The following SPATS2L variants were observed in gnomAD, a reference collection of about 807,000 sequenced individuals.
SPATS2L encodes spermatogenesis associated serine rich 2 like.
A neutral mutation model predicts 59.6 loss-of-function variants in SPATS2L; 30 were observed. That is an observed-to-expected ratio of 0.50 (90% CI 0.38 to 0.68). SPATS2L has a LOEUF of 0.68. SPATS2L is among the 30% of genes least tolerant of loss of function. The probability of loss-of-function intolerance (pLI) is 0.00; values close to 1 mark genes in which losing one functional copy is unlikely to be tolerated. For missense variants in SPATS2L, 615 were observed against 700.0 expected, an observed-to-expected ratio of 0.88 and a Z score of 1.37; for synonymous variants, 252 against 263.5, an observed-to-expected ratio of 0.96 and a Z score of 0.42.
chr2:200,335,306 A>C (rs1399774331), intron 2 of SPATS2L, among the ~76,000 whole-genome samples: 1 of 151,994 alleles, frequency 6.6e-6, no homozygotes, highest in African/African-American at 2.4e-5. Context: ...TGAACCCGGG[A>C]GGCAGAGCTT....
At chr2:200,382,408 A>G (rs1212490899) in intron 2 of SPATS2L, among the ~76,000 whole-genome samples, 1 of 152,190 alleles carries the variant, frequency 6.6e-6, no homozygotes, top group Non-Finnish European at 1.5e-5. Context: ...AAGTTCATTT[A>G]TGCCCATTCC....
intron 1 of SPATS2L, among the ~76,000 whole-genome samples, chr2:200,308,724 G>T (rs1026630288): frequency 1.3e-5 from 2 of 152,126 alleles, no homozygotes; most frequent in Non-Finnish European, 2.9e-5. Context: ...AGCTAAAGAC[G>T]TTAGTAAAAA....
chr2:200,334,827 A>G (rs1184830357), intron 2 of SPATS2L, among the ~76,000 whole-genome samples: 1 of 152,118 alleles, frequency 6.6e-6, no homozygotes, highest in Non-Finnish European at 1.5e-5. Flanking sequence ...AGTTGTAGAT[A>G]TGTGGCATTA....
chr2:200,463,848 T>TCCTGGCC (rs2086408190), intron 9 of SPATS2L, among the ~76,000 whole-genome samples: 3 of 152,240 alleles, frequency 2.0e-5, no homozygotes, highest in Admixed American at 2.0e-4. Context: ...CTTCTCCAGC[T>TCCTGGCC]CCTGGCCCCT....
At position 200,412,726 on chromosome 2, in the gene SPATS2L, A is replaced by G. The variant is rs1054846644; in HGVS notation, c.148+307A>G. ...AAGGATATTGATAATAGTGCTACTA[A>G]TTTCCTTGCCTACCAGTCATTCCAA... On this transcript the variant is annotated intron_variant, in intron 4 of 12. Transcript: ENST00000409140. Among the ~76,000 whole-genome samples the G allele has an allele frequency of 4.2e-4, 64 of 152,246 alleles. 1 individual carries two copies. The highest frequency in any genetic ancestry group is 1.5e-3 in the African/African-American group (61 of 41,544).
intron 2 of SPATS2L, among the ~76,000 whole-genome samples, chr2:200,331,623 G>A (rs376476619): frequency 3.0e-4 from 45 of 152,306 alleles, no homozygotes; most frequent in African/African-American, 1.1e-3. Flanking sequence ...ACAGCAGTGG[G>A]ACCTTGGTCA....
intron 8 of SPATS2L, among the ~76,000 whole-genome samples, chr2:200,447,002 A>C (rs2085093527): frequency 6.6e-6 from 1 of 152,202 alleles, no homozygotes; most frequent in South Asian, 2.1e-4. Context: ...TTCATCATAG[A>C]ATTCTACTCA....
At chr2:200,340,055 TC>T (rs2080270913) in intron 2 of SPATS2L, among the ~76,000 whole-genome samples, 1 of 152,104 alleles carries the variant, frequency 6.6e-6, no homozygotes, top group African/African-American at 2.4e-5. Context: ...TAGCTGGAAG[TC>T]TCATTTATAG....
chr2:200,356,028 G>A (rs1352985277), intron 2 of SPATS2L, among the ~76,000 whole-genome samples: 3 of 152,104 alleles, frequency 2.0e-5, no homozygotes, highest in East Asian at 3.8e-4. Flanking sequence ...AATAATTAAC[G>A]GAATTCATGA....
intron 7 of SPATS2L, among the ~76,000 whole-genome samples, chr2:200,439,933 C>G (rs545242693): frequency 3.8e-4 from 58 of 152,280 alleles, no homozygotes; most frequent in African/African-American, 1.3e-3. Flanking sequence ...AGATTAAATA[C>G]TATTCTTTTC....
intron 6 of SPATS2L, among the ~76,000 whole-genome samples, chr2:200,438,715 A>T (rs1416518682): frequency 6.6e-6 from 1 of 152,174 alleles, no homozygotes; most frequent in Non-Finnish European, 1.5e-5. Context: ...TGGAGATAGG[A>T]GGGCTACATT....
In SPATS2L at chr2:200,477,632, G is replaced by A. The variant is rs1559171639; in HGVS notation, c.1282-4G>A. 6.6e-7 allele frequency: 1 copy of A among 1,519,500 alleles called. No homozygotes were observed. Among genetic ancestry groups the A allele is most frequent in the East Asian group, 2.5e-5 (1 of 40,622 alleles). 94.1% of individuals were successfully genotyped at this position (1,519,500 alleles called of 1,614,324 possible). Reference sequence around the variant, plus strand: ...TGATACTTATCTCTTTTCTTTTTTGGTAGAATGGATCTTCTAACCAAAGAC... The same window carrying A: ...TGATACTTATCTCTTTTCTTTTTTGATAGAATGGATCTTCTAACCAAAGAC... On this transcript the variant is annotated splice_region_variant and splice_polypyrimidine_tract_variant and intron_variant, in intron 12 of 12. Coordinates refer to ENST00000409140, the MANE Select transcript of SPATS2L (RefSeq NM_001100423.2).
intron 4 of SPATS2L, among the ~76,000 whole-genome samples, chr2:200,415,101 G>A (rs1008116457): frequency 6.6e-6 from 1 of 152,148 alleles, no homozygotes; most frequent in Non-Finnish European, 1.5e-5. Context: ...AAAATGCTGT[G>A]AAACATTAAT....
intron 3 of SPATS2L, 129 bp from the exon 4 acceptor site, chr2:200,412,182 C>T: frequency 1.8e-6 from 1 of 560,378 alleles, no homozygotes; most frequent in Non-Finnish European, 3.1e-6. Context: ...TGCTTGATGA[C>T]AAGAAGGTAG....
chr2:200,307,915 C>A (rs1344429331), intron 1 of SPATS2L, among the ~76,000 whole-genome samples: 1 of 152,152 alleles, frequency 6.6e-6, no homozygotes, highest in Non-Finnish European at 1.5e-5. Context: ...GGGTTTGTAG[C>A]TTGAGAACTA....
chr2:200,467,483 T>A, intron 10 of SPATS2L, 84 bp downstream of exon 10: 3 of 905,946 alleles, frequency 3.3e-6, no homozygotes, highest in South Asian at 1.5e-5. Flanking sequence ...AGAGTTCTGC[T>A]CTCTGAGGAT....
At chr2:200,324,186 C>T (rs1177036714) in intron 1 of SPATS2L, among the ~76,000 whole-genome samples, 6 of 152,320 alleles carry the variant, frequency 3.9e-5, no homozygotes, top group East Asian at 1.9e-4. Flanking sequence ...CTTAAGACAA[C>T]AGGATTTGCT....
intron 1 of SPATS2L, among the ~76,000 whole-genome samples, chr2:200,309,875 A>G (rs1456893775): frequency 2.0e-5 from 3 of 152,206 alleles, no homozygotes; most frequent in East Asian, 1.9e-4. Context: ...AATAGGCCAT[A>G]TGTTGAATTT....
chr2:200,312,830 C>T (rs777072408), intron 1 of SPATS2L, among the ~76,000 whole-genome samples: 21 of 152,150 alleles, frequency 1.4e-4, no homozygotes, highest in Non-Finnish European at 2.8e-4. Flanking sequence ...TTTAATTCAC[C>T]TTAGGGATCA....
Sources: allele counts gnomAD v4.1 joint callset (sites outside exome capture counted in the v4.1 genomes callset), GRCh38; gene constraint gnomAD v4.1.1; transcripts MANE v1.5; gene names NCBI Gene and HGNC (gene_info 2026-07-23, HGNC 2026-07-21).